Variants in ABHD2 observed in about 807,000 individuals in gnomAD.
ABHD2 encodes the protein abhydrolase domain containing 2, acylglycerol lipase.
A neutral mutation model predicts 48.1 loss-of-function variants in ABHD2; 20 were observed. The ratio of observed to expected loss-of-function variants is 0.42; its 90% CI spans 0.29 to 0.60. ABHD2 has a LOEUF of 0.60. ABHD2 is among the 20% of genes least tolerant of loss of function. ABHD2 has a pLI of 0.24. For missense variants in ABHD2, 405 were observed against 550.9 expected (o/e 0.74, Z 2.65); for synonymous variants, 209 against 214.2 (o/e 0.98, Z 0.21).
At chr15:89,049,453 G>A in the ABHD2 span, among the ~76,000 whole-genome samples, 4 of 152,234 alleles carry the variant, frequency 2.6e-5, no homozygotes, top group Admixed American at 1.3e-4. Context: ...TTTACCTAAG[G>A]AAGCCTGGGC....
At chr15:89,133,977 C>T (rs371782983) in intron 3 of ABHD2, among the ~76,000 whole-genome samples, 10 of 151,838 alleles carry the variant, frequency 6.6e-5, no homozygotes, top group South Asian at 4.2e-4. Flanking sequence ...GCTGGGACTA[C>T]GGGTGCCTGC....
the ABHD2 span, among the ~76,000 whole-genome samples, chr15:89,050,246 A>G: frequency 1.3e-5 from 2 of 152,328 alleles, no homozygotes; most frequent in African/African-American, 2.4e-5. Context: ...GAAGGATCAC[A>G]GAAGAGTGTC....
Position 89,150,551 on chromosome 15 carries a change from A to C in ABHD2, c.195-1126A>C, listed in dbSNP as rs2050574519. Among the ~76,000 whole-genome samples the C allele has an allele frequency of 2.6e-5, 4 of 152,174 alleles. No individual in the cohort carries two copies. The South Asian group carries it at 8.3e-4, about 31-fold the overall frequency. ...CCCTCCTCCCCTCCCCCGAAAAGGA[A>C]GCTTGTCTGGGAACTGGTTTGCTTA... On this transcript the variant is annotated intron_variant, in intron 3 of 10. Coordinates refer to ENST00000352732, the MANE Select transcript of ABHD2 (RefSeq NM_152924.5).
In ABHD2 at chr15:89,155,318, TCATGTCACATTTCTTGGATA is replaced by T; in HGVS notation, c.371-45_371-26del. 6.4e-7 allele frequency: 1 copy of T among 1,571,816 alleles called. No homozygotes were observed. On this transcript the variant is annotated intron_variant, in intron 4 of 10. Transcript: ENST00000352732. The surrounding 1 kb of genome is among the most constrained non-coding windows in gnomAD (Gnocchi z 4.9). ...AGTGAAGTGTAATTATGTCCATTTA[TCATGTCACATTTCTTGGATA>T]CATCAGGATCTCTTTCTCTACGCTA...
upstream of ABHD2, among the ~76,000 whole-genome samples, chr15:89,086,607 G>T (rs1031733258): frequency 1.3e-5 from 2 of 152,142 alleles, no homozygotes; most frequent in African/African-American, 4.8e-5. Context: ...TAGAGACGGG[G>T]TCTCACTATG....
chr15:89,155,640 A>G lies in ABHD2; in HGVS notation c.538+106A>G, dbSNP rs1178726134. ...AAGTTTTAAACCTATGCCCATCTGC[A>G]AGAGATGGTAGGTCACACGGTTATA... On this transcript the variant is annotated intron_variant, in intron 5 of 10. Transcript: ENST00000352732. This position sits in a 1 kb window ranked among gnomAD's most constrained non-coding sequence, Gnocchi z 4.9. 41 of 1,370,480 alleles carry G rather than the reference A, an allele frequency of 3.0e-5. No homozygotes were observed. The highest frequency in any genetic ancestry group is 3.9e-5 in the Non-Finnish European group (39 of 1,006,330). 84.9% of individuals were successfully genotyped at this position (1,370,480 alleles called of 1,614,324 possible).
intron 2 of ABHD2, among the ~76,000 whole-genome samples, chr15:89,115,686 G>T (rs1047226497): frequency 6.6e-6 from 1 of 152,152 alleles, no homozygotes; most frequent in Non-Finnish European, 1.5e-5. Flanking sequence ...TGCGACCTGG[G>T]CTGAGTCTGA....
chr15:89,190,641 A>T (rs568198890), intron 8 of ABHD2, among the ~76,000 whole-genome samples: 27 of 152,194 alleles, frequency 1.8e-4, no homozygotes, highest in African/African-American at 6.0e-4. Flanking sequence ...GATAACAATT[A>T]CTACAGGGTA....
rs966961553 is a variant in ABHD2 at position 89,174,219 on chromosome 15, A to G, written c.539-1593A>G. ...TGCCAGACATATTGTAAAGGGAAAAAAAGAGCCACCGAACAATGTGTATGT... is the reference window on the plus strand; with the variant it reads ...TGCCAGACATATTGTAAAGGGAAAAGAAGAGCCACCGAACAATGTGTATGT... On this transcript the variant is annotated intron_variant, in intron 5 of 10. Coordinates refer to ENST00000352732, the MANE Select transcript of ABHD2 (RefSeq NM_152924.5). This position sits in a 1 kb window ranked among gnomAD's most constrained non-coding sequence, Gnocchi z 4.1. Among the ~76,000 whole-genome samples the G allele has an allele frequency of 6.6e-6, 1 of 152,226 alleles. No individual in the cohort carries two copies. Among genetic ancestry groups the G allele is most frequent in the Non-Finnish European group, 1.5e-5 (1 of 68,048 alleles).
the ABHD2 span, among the ~76,000 whole-genome samples, chr15:89,076,718 A>G: frequency 6.6e-6 from 1 of 152,176 alleles, no homozygotes; most frequent in Non-Finnish European, 1.5e-5. Context: ...TCCTGGGCTC[A>G]AGTGATCCAC....
In ABHD2 at chr15:89,185,523, C is replaced by A. The variant is rs1452345911; in HGVS notation, c.815+7C>A. On this transcript the variant is annotated splice_region_variant and intron_variant, in intron 7 of 10. Coordinates refer to ENST00000352732, the MANE Select transcript of ABHD2 (RefSeq NM_152924.5). This position sits in a 1 kb window ranked among gnomAD's most constrained non-coding sequence, Gnocchi z 5.9. ...AGATCATCCTCTCGCACAGGTAGGT[C>A]ACCTTCCGTTCTCTCTCAGGAGACA... 7 of 1,612,746 alleles carry A rather than the reference C, an allele frequency of 4.3e-6. No homozygotes were observed. The highest frequency in any genetic ancestry group is 1.3e-5 in the African/African-American group (1 of 75,002).
At chr15:89,148,779 T>C (rs1359054247) in intron 3 of ABHD2, among the ~76,000 whole-genome samples, 3 of 152,256 alleles carry the variant, frequency 2.0e-5, no homozygotes, top group Non-Finnish European at 4.4e-5. Flanking sequence ...AGTGGAATTA[T>C]TGGCCGCTAC....
rs908635784 is a variant in ABHD2, at chr15:89,091,548, C to T, written c.-107+2985C>T. 5.3e-5 allele frequency among the ~76,000 whole-genome samples: 8 copies of T among 152,090 alleles called. No homozygotes were observed. Among genetic ancestry groups the T allele is most frequent in the Middle Eastern group, 3.2e-3 (1 of 316 alleles). On this transcript the variant is annotated intron_variant, in intron 1 of 10. Coordinates refer to ENST00000352732, the MANE Select transcript of ABHD2 (RefSeq NM_152924.5). The surrounding 1 kb of genome is among the most constrained non-coding windows in gnomAD (Gnocchi z 5.5). Reference sequence around the variant, plus strand: ...ATTTACGCCTTTTCCTGGTAATCTCCGGCAGGACCCATAACCTCTGTAGTG... The same window carrying T: ...ATTTACGCCTTTTCCTGGTAATCTCTGGCAGGACCCATAACCTCTGTAGTG...
chr15:89,095,881 A>G (rs980697320), intron 1 of ABHD2, among the ~76,000 whole-genome samples: 2 of 152,216 alleles, frequency 1.3e-5, no homozygotes, highest in Non-Finnish European at 1.5e-5. Flanking sequence ...GGGATACCTA[A>G]TTATAATATC....
At chr15:89,159,523 T>G (rs1266933513) in intron 5 of ABHD2, among the ~76,000 whole-genome samples, 1 of 152,170 alleles carries the variant, frequency 6.6e-6, no homozygotes, top group Non-Finnish European at 1.5e-5. Context: ...GAAAGGCATT[T>G]GAGCTGGGTT....
Position 89,186,467 on chromosome 15 carries a change from G to A in ABHD2, c.815+951G>A, listed in dbSNP as rs115834648. Among the ~76,000 whole-genome samples the A allele has an allele frequency of 3.9e-5, 6 of 152,094 alleles. No homozygotes were observed. Among genetic ancestry groups the A allele is most frequent in the African/African-American group, 9.7e-5 (4 of 41,396 alleles). On this transcript the variant is annotated intron_variant, in intron 7 of 10. Coordinates refer to ENST00000352732, the MANE Select transcript of ABHD2 (RefSeq NM_152924.5). The surrounding 1 kb of genome is among the most constrained non-coding windows in gnomAD (Gnocchi z 4.3). ...TGGACTAGGCTACTTAGAGGTTCCT[G>A]TGTCCCCTGGCCTCTGCCACACTAC...
At chr15:89,098,603 C>A (rs1386919033) in intron 1 of ABHD2, among the ~76,000 whole-genome samples, 2 of 152,184 alleles carry the variant, frequency 1.3e-5, no homozygotes, top group Non-Finnish European at 2.9e-5. Context: ...GTTCCCTCCT[C>A]TATTCTGATC....
upstream of ABHD2, among the ~76,000 whole-genome samples, chr15:89,084,462 G>A (rs190506883): frequency 6.6e-6 from 1 of 152,190 alleles, no homozygotes; most frequent in East Asian, 1.9e-4. This position sits in a 1 kb window ranked among gnomAD's most constrained non-coding sequence, Gnocchi z 4.4. Flanking sequence ...ACCACACCCA[G>A]CTAATTTTTG....
At position 89,158,679 on chromosome 15, in the gene ABHD2, A is replaced by T. The variant is rs544504458; in HGVS notation, c.538+3145A>T. ...AGGCAGTTGATTACATATAGTAAACATTTATTGTATGTTAGGTTCATTCTT... is the reference window on the plus strand; with the variant it reads ...AGGCAGTTGATTACATATAGTAAACTTTTATTGTATGTTAGGTTCATTCTT... On this transcript the variant is annotated intron_variant, in intron 5 of 10. Transcript: ENST00000352732. Among the ~76,000 whole-genome samples, 10 of 152,258 alleles carry T rather than the reference A, an allele frequency of 6.6e-5. No homozygotes were observed. The South Asian group carries it at 2.1e-3, about 32-fold the overall frequency.
Sources: allele counts gnomAD v4.1 joint callset (sites outside exome capture counted in the v4.1 genomes callset), GRCh38; gene constraint gnomAD v4.1.1; non-coding constraint Gnocchi (gnomAD v3.1); transcripts MANE v1.5; gene names NCBI Gene and HGNC (gene_info 2026-07-23, HGNC 2026-07-21).